The following EPHX2 variants were observed in gnomAD, a reference collection of about 807,000 sequenced individuals.
EPHX2 encodes the protein epoxide hydrolase 2.
Under a neutral mutation model 78.7 loss-of-function variants are expected in EPHX2, and 74 were observed. The observed-to-expected ratio is 0.94, with a 90% confidence interval of 0.78 to 1.14. The LOEUF (loss-of-function observed/expected upper bound fraction) is 1.14, where lower values mean the gene tolerates loss of function less well. EPHX2 is among the 50% of genes most tolerant of loss of function. The pLI is 0.00. For missense variants in EPHX2, 715 were observed against 702.5 expected (o/e 1.02, Z -0.20); for synonymous variants, 251 against 255.2 (o/e 0.98, Z 0.16).
At chr8:27,543,419 A>G (rs1428977234) in intron 16 of EPHX2, among the ~76,000 whole-genome samples, 2 of 152,044 alleles carry the variant, frequency 1.3e-5, no homozygotes, top group African/African-American at 2.4e-5. Flanking sequence ...CCTTTTAAGC[A>G]TCTATTTAAT....
At chr8:27,516,943 G>A (rs1378900998) in intron 8 of EPHX2, among the ~76,000 whole-genome samples, 2 of 132,154 alleles carry the variant, frequency 1.5e-5, no homozygotes, top group African/African-American at 6.0e-5. Context: ...TTTTTGAGAC[G>A]GAGTCTCACT....
At position 27,520,926 on chromosome 8, in the gene EPHX2, A is replaced by G. The variant is rs900932064; in HGVS notation, c.972+17A>G. The G allele has an allele frequency of 1.2e-6, 2 of 1,613,894 alleles. No homozygotes were observed. The highest frequency in any genetic ancestry group is 2.7e-5 in the African/African-American group (2 of 74,910). ...GATAAACTGGTAAGTCATTATTTTGAACTGATATCTTTGGAGAATTCCTTT... is the reference window on the plus strand; with the variant it reads ...GATAAACTGGTAAGTCATTATTTTGGACTGATATCTTTGGAGAATTCCTTT... On this transcript the variant is annotated intron_variant, in intron 10 of 18. Transcript: ENST00000521400.
intron 12 of EPHX2, among the ~76,000 whole-genome samples, chr8:27,530,982 C>T (rs1206709854): frequency 3.3e-5 from 5 of 152,104 alleles, no homozygotes; most frequent in African/African-American, 4.8e-5. Flanking sequence ...AGGCTGGTCT[C>T]GAACTCCCAC....
intron 12 of EPHX2, among the ~76,000 whole-genome samples, chr8:27,533,348 C>T (rs760849200): frequency 3.9e-5 from 6 of 152,044 alleles, no homozygotes; most frequent in Non-Finnish European, 7.4e-5. Context: ...AACTTCTGTG[C>T]GCAGGAACAC....
At chr8:27,497,041 G>A (rs993872651) in intron 1 of EPHX2, among the ~76,000 whole-genome samples, 1 of 152,188 alleles carries the variant, frequency 6.6e-6, no homozygotes, top group African/African-American at 2.4e-5. Flanking sequence ...CTGGTTACAG[G>A]CTGTCCCAGG....
At chr8:27,494,842 C>G (rs1049265069) in intron 1 of EPHX2, among the ~76,000 whole-genome samples, 9 of 152,250 alleles carry the variant, frequency 5.9e-5, no homozygotes, top group African/African-American at 2.2e-4. Context: ...GTACCTTTCC[C>G]TCTTCTGTTG....
At chr8:27,541,645 A>AG in intron 16 of EPHX2, 103 bp downstream of exon 16, 1 of 1,229,196 alleles carries the variant, frequency 8.1e-7, no homozygotes, top group Non-Finnish European at 1.2e-6. Context: ...CTGGTTGTGG[A>AG]CAGATCTGCT....
At chr8:27,493,579 G>A (rs1813465484) in intron 1 of EPHX2, among the ~76,000 whole-genome samples, 1 of 152,130 alleles carries the variant, frequency 6.6e-6, no homozygotes, top group Admixed American at 6.5e-5. Context: ...TATAAGTAGG[G>A]GTATTAGTTG....
intron 11 of EPHX2, among the ~76,000 whole-genome samples, chr8:27,525,028 G>A (rs1240934908): frequency 2.0e-5 from 3 of 151,172 alleles, no homozygotes; most frequent in Middle Eastern, 3.4e-3. Context: ...AGAGAGATTC[G>A]TGTCTCCATA....
Position 27,538,681 on chromosome 8 carries a change from T to C in EPHX2, c.1265T>C (p.Val422Ala), listed in dbSNP as rs531961160. Reference protein sequence around the residue: ...SDESVLSMHKVCEAGGLFVNS... With the variant: ...SDESVLSMHKACEAGGLFVNS... ...CAGAGTGTTTTATCCATGCATAAAG[T>C]CTGTGAAGCGGGTAAGAGACATGCT... Residue 422 changes from valine (V) to alanine (A), a missense_variant, in exon 14 of 19, where the codon GTC (valine) becomes GCC (alanine). By Grantham distance (64) the Val-to-Ala change is moderately conservative. Transcript: ENST00000521400. 4.3e-6 allele frequency: 7 copies of C among 1,613,970 alleles called. No homozygotes were observed. The African/African-American group carries it at 9.3e-5, about 22-fold the overall frequency.
rs150366376 is a variant in EPHX2 at position 27,512,237 on chromosome 8, G to A, written c.735+327G>A. ...ATCAGTGAAAGACAGACCCTGTCTC[G>A]GATTCTATAAAGCAGTGTGACTGAT... On this transcript the variant is annotated intron_variant, in intron 6 of 18. Transcript: ENST00000521400. 9.5e-4 allele frequency: 299 copies of A among 314,360 alleles called. 2 individuals carry two copies. The highest frequency in any genetic ancestry group is 6.0e-3 in the African/African-American group (277 of 45,986). 19.5% of individuals were successfully genotyped at this position (314,360 alleles called of 1,614,324 possible).
At chr8:27,496,364 C>A (rs1191070959) in intron 1 of EPHX2, among the ~76,000 whole-genome samples, 3 of 152,156 alleles carry the variant, frequency 2.0e-5, no homozygotes, top group Non-Finnish European at 4.4e-5. Context: ...TGAAGGCTAT[C>A]CCTAAACCCT....
intron 5 of EPHX2, 138 bp from the exon 6 acceptor site, chr8:27,511,698 G>A (rs771857354): frequency 4.1e-5 from 32 of 783,564 alleles, no homozygotes; most frequent in Non-Finnish European, 6.4e-5. Flanking sequence ...AGGGAGATGG[G>A]CTGGTCAGCC....
intron 16 of EPHX2, among the ~76,000 whole-genome samples, chr8:27,541,946 G>A (rs924484514): frequency 3.4e-4 from 52 of 152,056 alleles, no homozygotes; most frequent in African/African-American, 1.2e-3. Context: ...CTTCGGTTGT[G>A]TCACCTTGCA....
downstream of EPHX2, among the ~76,000 whole-genome samples, chr8:27,546,652 G>A (rs927755804): frequency 4.6e-5 from 7 of 152,152 alleles, no homozygotes; most frequent in Admixed American, 3.3e-4. Context: ...CTGTCTTCCC[G>A]AAAGTCTCGC....
intron 5 of EPHX2, among the ~76,000 whole-genome samples, chr8:27,511,574 GC>G (rs1814246980): frequency 1.3e-5 from 2 of 152,186 alleles, no homozygotes; most frequent in Non-Finnish European, 2.9e-5. Flanking sequence ...GTTTTAATGT[GC>G]CAGGTAGGAG....
intron 4 of EPHX2, among the ~76,000 whole-genome samples, chr8:27,506,095 C>A (rs1488447884): frequency 6.6e-6 from 1 of 152,114 alleles, no homozygotes; most frequent in African/African-American, 2.4e-5. Context: ...CTCAAGTGAT[C>A]GTCCTGCCTC....
intron 2 of EPHX2, among the ~76,000 whole-genome samples, chr8:27,501,887 A>G (rs1813815133): frequency 6.6e-6 from 1 of 151,884 alleles, no homozygotes; most frequent in Non-Finnish European, 1.5e-5. Context: ...TGCTAAGGCT[A>G]TTTACACTTG....
chr8:27,536,909 T>A, intron 13 of EPHX2, 54 bp downstream of exon 13: 3 of 1,588,366 alleles, frequency 1.9e-6, no homozygotes, highest in Admixed American at 1.7e-5. Context: ...GTGAAGGAAG[T>A]AGGGTACCTA....
Sources: allele counts gnomAD v4.1 joint callset (sites outside exome capture counted in the v4.1 genomes callset), GRCh38; gene constraint gnomAD v4.1.1; transcripts MANE v1.5; gene names NCBI Gene and HGNC (gene_info 2026-07-23, HGNC 2026-07-21).